DOK6: variants seen among roughly 807,000 people sequenced by gnomAD.
The protein encoded by DOK6 is docking protein 6, also known as downstream of tyrosine kinase 6.
In DOK6, 22 loss-of-function variants were observed where a neutral mutation model predicts 44.0. The observed-to-expected ratio is 0.50, with a 90% CI of 0.36 to 0.71. The LOEUF (loss-of-function observed/expected upper bound fraction) is 0.71. Ranked by LOEUF, DOK6 falls within the 30% of genes least tolerant of loss-of-function variation. The pLI is 0.00. For missense variants in DOK6, 340 were observed against 416.4 expected (o/e 0.82, Z 1.60); for synonymous variants, 166 against 145.5 (o/e 1.14, Z -1.01).
At chr18:69,442,614 G>A (rs990112832) in intron 1 of DOK6, among the ~76,000 whole-genome samples, 2 of 152,124 alleles carry the variant, frequency 1.3e-5, no homozygotes, top group African/African-American at 2.4e-5. Context: ...GATGAGATTT[G>A]GGTGGGGATA....
intron 3 of DOK6, among the ~76,000 whole-genome samples, chr18:69,670,986 C>T (rs948999347): frequency 1.3e-5 from 2 of 152,136 alleles, no homozygotes; most frequent in Admixed American, 6.5e-5. Context: ...CCAACACACA[C>T]ACACACGCAC....
chr18:69,440,573 T>A (rs1892725271), intron 1 of DOK6, among the ~76,000 whole-genome samples: 1 of 152,170 alleles, frequency 6.6e-6, no homozygotes, highest in African/African-American at 2.4e-5. Context: ...ACTTGCAGGA[T>A]AACTTGAGCC....
intron 3 of DOK6, among the ~76,000 whole-genome samples, chr18:69,600,411 C>T (rs1045491379): frequency 1.2e-4 from 18 of 152,202 alleles, no homozygotes; most frequent in African/African-American, 2.4e-4. Context: ...TCTTTTCTTG[C>T]GTGCCTTTAT....
chr18:69,631,905 A>G lies in DOK6; in HGVS notation c.289+32407A>G, dbSNP rs145612985. ...ACTTTCATCTCCAATTCTTTTTATCATAAGTCACATTGACTCTATCTGAAA... is the reference window on the plus strand; with the variant it reads ...ACTTTCATCTCCAATTCTTTTTATCGTAAGTCACATTGACTCTATCTGAAA... On this transcript the variant is annotated intron_variant, in intron 3 of 7. Coordinates refer to ENST00000382713, the MANE Select transcript of DOK6 (RefSeq NM_152721.6). Among the ~76,000 whole-genome samples, 36 of 152,302 alleles carry G rather than the reference A, an allele frequency of 2.4e-4. No homozygotes were observed. In the East Asian group the frequency reaches 6.2e-3, roughly 26 times the overall value.
At chr18:69,673,047 T>G (rs1330099456) in intron 3 of DOK6, among the ~76,000 whole-genome samples, 2 of 152,182 alleles carry the variant, frequency 1.3e-5, no homozygotes, top group African/African-American at 4.8e-5. Flanking sequence ...AACAGGATTA[T>G]TTTGTCTACA....
At chr18:69,637,488 C>T (rs1275043585) in intron 3 of DOK6, among the ~76,000 whole-genome samples, 1 of 152,152 alleles carries the variant, frequency 6.6e-6, no homozygotes, top group Non-Finnish European at 1.5e-5. Context: ...TCCACTCCTT[C>T]CCCCGCAAAT....
intron 3 of DOK6, among the ~76,000 whole-genome samples, chr18:69,655,298 TA>T: frequency 6.6e-6 from 1 of 151,996 alleles, no homozygotes; most frequent in Non-Finnish European, 1.5e-5. Context: ...ATAGACATTA[TA>T]TTGGAAGGGC....
intron 1 of DOK6, among the ~76,000 whole-genome samples, chr18:69,434,604 C>G (rs1978896809): frequency 8.4e-6 from 1 of 119,398 alleles, no homozygotes; most frequent in Non-Finnish European, 1.7e-5. Context: ...TTCTGGCCGA[C>G]ATGGTGAAAC....
At chr18:69,784,423 T>C in intron 7 of DOK6, among the ~76,000 whole-genome samples, 1 of 151,676 alleles carries the variant, frequency 6.6e-6, no homozygotes, top group East Asian at 1.9e-4. Flanking sequence ...TATATATAAA[T>C]AAATTATTCT....
At chr18:69,617,806 T>C (rs934448153) in intron 3 of DOK6, among the ~76,000 whole-genome samples, 9 of 151,476 alleles carry the variant, frequency 5.9e-5, no homozygotes, top group African/African-American at 1.7e-4. Context: ...GACAGAGTGA[T>C]AGGATAAAAA....
At chr18:69,653,600 TTCTGA>T (rs1187594824) in intron 3 of DOK6, among the ~76,000 whole-genome samples, 1 of 152,170 alleles carries the variant, frequency 6.6e-6, no homozygotes, top group Non-Finnish European at 1.5e-5. Flanking sequence ...TCTAGTGGGA[TTCTGA>T]AGGGCTATAC....
chr18:69,594,303 T>C (rs1983690144), intron 2 of DOK6, among the ~76,000 whole-genome samples: 1 of 151,766 alleles, frequency 6.6e-6, no homozygotes, highest in East Asian at 1.9e-4. Flanking sequence ...TATACACACA[T>C]ACATACATAC....
At chr18:69,709,928 G>C (rs925364396) in intron 5 of DOK6, among the ~76,000 whole-genome samples, 4 of 152,254 alleles carry the variant, frequency 2.6e-5, no homozygotes, top group Admixed American at 6.5e-5. Context: ...TACATTCCCA[G>C]CACTTTCAGA....
At chr18:69,595,408 A>G (rs1983717981) in intron 2 of DOK6, among the ~76,000 whole-genome samples, 1 of 152,222 alleles carries the variant, frequency 6.6e-6, no homozygotes, top group African/African-American at 2.4e-5. Flanking sequence ...AGGCAAGAAC[A>G]AGATGATTTT....
At chr18:69,430,726 G>A (rs544404798) in intron 1 of DOK6, among the ~76,000 whole-genome samples, 2 of 152,258 alleles carry the variant, frequency 1.3e-5, no homozygotes, top group East Asian at 3.9e-4. Flanking sequence ...CAGCACTTTG[G>A]AAGGCCGAGG....
chr18:69,565,372 A>G (rs539719531), intron 2 of DOK6, among the ~76,000 whole-genome samples: 20 of 152,004 alleles, frequency 1.3e-4, no homozygotes, highest in Non-Finnish European at 2.9e-4. Flanking sequence ...AAAATAGATT[A>G]TTTGACAATA....
intron 3 of DOK6, among the ~76,000 whole-genome samples, chr18:69,605,297 C>A (rs2144626341): frequency 6.6e-6 from 1 of 152,088 alleles, no homozygotes; most frequent in African/African-American, 2.4e-5. Flanking sequence ...CCAAAATGTC[C>A]TCCCTGCAGC....
chr18:69,419,527 G>T (rs1399232904), intron 1 of DOK6, among the ~76,000 whole-genome samples: 1 of 152,086 alleles, frequency 6.6e-6, no homozygotes, highest in African/African-American at 2.4e-5. Flanking sequence ...GGATATTCAT[G>T]ATTTACCCAG....
chr18:69,775,249 A>G (rs1239513983), intron 7 of DOK6, among the ~76,000 whole-genome samples: 2 of 152,072 alleles, frequency 1.3e-5, no homozygotes, highest in African/African-American at 4.8e-5. Context: ...CCTAAAGAAA[A>G]TAAATAATGG....
Sources: gnomAD v4.1 joint callset for allele counts (sites outside exome capture counted in the v4.1 genomes callset) on GRCh38, gnomAD v4.1.1 for gene constraint, MANE v1.5 for transcripts, NCBI Gene and HGNC (gene_info 2026-07-23, HGNC 2026-07-21) for gene names.